The following MMS22L variants were observed in gnomAD, a reference collection of about 807,000 sequenced individuals.
The protein encoded by MMS22L is MMS22 like, DNA repair protein, also known as protein MMS22-like.
In MMS22L, 74 loss-of-function variants were observed where a neutral mutation model predicts 159.1. The observed-to-expected ratio is 0.47, with a 90% CI of 0.39 to 0.56. MMS22L has a LOEUF of 0.56. Ranked by LOEUF, MMS22L falls within the 20% of genes least tolerant of loss-of-function variation. The pLI is 0.00. For synonymous variants in MMS22L, 517 were observed against 506.9 expected (o/e 1.02, Z -0.27); for missense variants, 1,351 against 1,422.1 (o/e 0.95, Z 0.80).
intron 11 of MMS22L, among the ~76,000 whole-genome samples, chr6:97,240,355 T>C (rs983377960): frequency 3.9e-5 from 6 of 152,200 alleles, no homozygotes; most frequent in Non-Finnish European, 7.4e-5. Context: ...CCTAAATTCA[T>C]AGAGCATGTT....
intron 19 of MMS22L, among the ~76,000 whole-genome samples, chr6:97,170,023 T>C (rs2128252013): frequency 6.6e-6 from 1 of 152,278 alleles, no homozygotes; most frequent in African/African-American, 2.4e-5. Context: ...TAACTTTTAT[T>C]AGAGTCTATT....
chr6:97,239,967 A>AGATTTTTATTTTT (rs1811875496), intron 11 of MMS22L, among the ~76,000 whole-genome samples: 1 of 152,236 alleles, frequency 6.6e-6, no homozygotes, highest in African/African-American at 2.4e-5. Context: ...TTTTATTTGA[A>AGATTTTTATTTTT]GGCTGCTGTA....
chr6:97,246,535 G>A, intron 11 of MMS22L, 93 bp downstream of exon 11: 2 of 942,508 alleles, frequency 2.1e-6, no homozygotes, highest in Non-Finnish European at 3.2e-6. Context: ...TTTGTTTTCT[G>A]AATCATTTTA....
chr6:97,162,228 C>A (rs1802522439), intron 21 of MMS22L, 63 bp from the exon 22 acceptor site: 2 of 1,448,382 alleles, frequency 1.4e-6, no homozygotes, highest in Non-Finnish European at 1.9e-6. Context: ...GACCAAATGG[C>A]ATATAATTTA....
chr6:97,195,515 T>C (rs1030095549), intron 14 of MMS22L, among the ~76,000 whole-genome samples: 1 of 152,202 alleles, frequency 6.6e-6, no homozygotes, highest in Non-Finnish European at 1.5e-5. Flanking sequence ...ATAGTAGCAT[T>C]GGAAGGCAAT....
At chr6:97,192,662 C>G (rs1806015149) in intron 14 of MMS22L, among the ~76,000 whole-genome samples, 1 of 152,154 alleles carries the variant, frequency 6.6e-6, no homozygotes. Context: ...AGTATACATC[C>G]TATTTTGCCA....
intron 13 of MMS22L, among the ~76,000 whole-genome samples, chr6:97,229,848 C>T (rs754286181): frequency 3.9e-5 from 6 of 152,142 alleles, no homozygotes; most frequent in African/African-American, 7.2e-5. Context: ...CACCCCCTCA[C>T]GAACACTTGC....
chr6:97,212,711 T>C (rs1241865993), intron 14 of MMS22L, among the ~76,000 whole-genome samples: 1 of 152,192 alleles, frequency 6.6e-6, no homozygotes, highest in Admixed American at 6.5e-5. Flanking sequence ...TTCACATTTG[T>C]AACATTTTGA....
Position 97,181,946 on chromosome 6 carries a change from G to A in MMS22L, c.2342C>T (p.Pro781Leu). 6.2e-7 allele frequency: 1 copy of A among 1,613,248 alleles called. No individual in the cohort carries two copies. The highest frequency in any genetic ancestry group is 8.5e-7 in the Non-Finnish European group (1 of 1,179,678). ...ACTTAAATATCTTGCTACAACTTGA[G>A]GGCAGATGATATCATCCCAACCAAA... Reference protein sequence around the residue: ...QLFGWDDIICPQVVARYLSHV... With the variant: ...QLFGWDDIICLQVVARYLSHV... The change falls in exon 16 of 25, where the codon CCT (proline) becomes CTT (leucine). Residue 781 changes from proline (P) to leucine (L), a missense_variant. Physicochemically the swap from Pro to Leu is moderately conservative, Grantham distance 98. Coordinates refer to ENST00000683635, the MANE Select transcript of MMS22L (RefSeq NM_001350599.2).
At position 97,229,357 on chromosome 6, in the gene MMS22L, C is replaced by T. The variant is rs1810609489; in HGVS notation, c.1576G>A (p.Val526Ile). ...AGGCTAAAAAAGTTCTGTAGACCAA[C>T]TTCAGTTAGTTCTTCCATTCTTTTT... ...HQKRMEELTE[V>I]GLQNFFSLFL... Residue 526 changes from valine (V) to isoleucine (I), a missense_variant, in exon 14 of 25, where the codon GTT (valine) becomes ATT (isoleucine). Transcript: ENST00000683635. 6.2e-7 allele frequency: 1 copy of T among 1,601,220 alleles called. No homozygotes were observed. The highest frequency in any genetic ancestry group is 2.2e-5 in the East Asian group (1 of 44,746).
intron 22 of MMS22L, among the ~76,000 whole-genome samples, chr6:97,161,106 G>C (rs1221344719): frequency 6.6e-6 from 1 of 151,982 alleles, no homozygotes; most frequent in Non-Finnish European, 1.5e-5. Flanking sequence ...TATATGGATT[G>C]TATGTGTCTG....
intron 14 of MMS22L, among the ~76,000 whole-genome samples, chr6:97,228,350 G>A (rs1810472827): frequency 6.6e-6 from 1 of 152,124 alleles, no homozygotes; most frequent in Non-Finnish European, 1.5e-5. Flanking sequence ...AAAAGCTATT[G>A]TTTGAAAAAC....
chr6:97,189,390 T>A (rs1325818302), intron 14 of MMS22L, among the ~76,000 whole-genome samples: 1 of 150,916 alleles, frequency 6.6e-6, no homozygotes, highest in East Asian at 2.0e-4. Flanking sequence ...TGAAACCCCA[T>A]CTCTATTAAA....
chr6:97,270,545 T>C (rs988825643), intron 6 of MMS22L: 11 of 272,384 alleles, frequency 4.0e-5, no homozygotes, highest in African/African-American at 9.1e-5. Context: ...CTTTCAAGTA[T>C]TGTGTTATAC....
intron 8 of MMS22L, 138 bp downstream of exon 8, chr6:97,267,734 G>T: frequency 2.8e-6 from 2 of 711,108 alleles, no homozygotes; most frequent in Non-Finnish European, 3.9e-6. Flanking sequence ...TTCCCTTTCA[G>T]CTCCCAGATA....
At chr6:97,154,741 C>T (rs898973539) in intron 22 of MMS22L, among the ~76,000 whole-genome samples, 3 of 152,096 alleles carry the variant, frequency 2.0e-5, no homozygotes, top group African/African-American at 7.2e-5. Context: ...CTCTTGTCAA[C>T]AAACAAAAAA....
At chr6:97,185,076 T>C (rs779965372) in intron 15 of MMS22L, among the ~76,000 whole-genome samples, 2 of 152,148 alleles carry the variant, frequency 1.3e-5, no homozygotes, top group Non-Finnish European at 2.9e-5. Context: ...CTTCAGTTCT[T>C]TGCACAAATA....
chr6:97,244,243 A>G (rs1474123636), intron 11 of MMS22L, among the ~76,000 whole-genome samples: 3 of 152,102 alleles, frequency 2.0e-5, no homozygotes, highest in Non-Finnish European at 4.4e-5. Context: ...GTGGTACTAC[A>G]GGGGGGACAT....
Position 97,153,650 on chromosome 6 carries a change from C to T in MMS22L, c.3386-1783G>A, listed in dbSNP as rs144968788. On this transcript the variant is annotated intron_variant, in intron 22 of 24. Transcript: ENST00000683635. ...CCTCCCAAATTGCAGGAATTACAGGCGTAAGCCACCATGCCTAGACCTGTC... is the reference window on the plus strand; with the variant it reads ...CCTCCCAAATTGCAGGAATTACAGGTGTAAGCCACCATGCCTAGACCTGTC... 1.3e-4 allele frequency among the ~76,000 whole-genome samples: 20 copies of T among 152,146 alleles called. No individual in the cohort carries two copies. The East Asian group carries it at 3.5e-3, about 26-fold the overall frequency.
Sources: gnomAD v4.1 joint callset for allele counts (sites outside exome capture counted in the v4.1 genomes callset) on GRCh38, gnomAD v4.1.1 for gene constraint, MANE v1.5 for transcripts, NCBI Gene and HGNC (gene_info 2026-07-23, HGNC 2026-07-21) for gene names.